The following MARCHF3 variants were observed in gnomAD, a reference collection of about 807,000 sequenced individuals.
MARCHF3 encodes the protein E3 ubiquitin-protein ligase MARCHF3.
In MARCHF3, 13 loss-of-function variants were observed where a neutral mutation model predicts 24.2. The observed-to-expected ratio is 0.54, with a 90% CI of 0.35 to 0.85. The LOEUF (loss-of-function observed/expected upper bound fraction) is 0.85. Ranked by LOEUF, MARCHF3 falls within the 40% of genes least tolerant of loss-of-function variation. The pLI is 0.01. For synonymous variants in MARCHF3, 144 were observed against 137.3 expected, an observed-to-expected ratio of 1.05 and a Z score of -0.34; for missense variants, 276 against 325.0, an observed-to-expected ratio of 0.85 and a Z score of 1.16.
At chr5:126,872,383 T>C (rs920252810) in intron 4 of MARCHF3, among the ~76,000 whole-genome samples, 6 of 152,118 alleles carry the variant, frequency 3.9e-5, no homozygotes, top group Non-Finnish European at 8.8e-5. Context: ...TTTATGTACA[T>C]ATATTGGAAT....
intron 1 of MARCHF3, among the ~76,000 whole-genome samples, chr5:126,998,084 C>T (rs759683339): frequency 1.1e-4 from 16 of 152,298 alleles, no homozygotes; most frequent in Admixed American, 2.0e-4. Flanking sequence ...TGTTCAATGG[C>T]AGGAAATAAT....
At chr5:126,920,450 A>AGAT (rs1580644296) in intron 1 of MARCHF3, among the ~76,000 whole-genome samples, 2 of 152,336 alleles carry the variant, frequency 1.3e-5, no homozygotes, top group East Asian at 3.9e-4. Context: ...AGGCAGCCAT[A>AGAT]GATTAAGAGC....
At chr5:126,883,326 C>T (rs373529048) in intron 3 of MARCHF3, among the ~76,000 whole-genome samples, 6 of 152,310 alleles carry the variant, frequency 3.9e-5, no homozygotes, top group African/African-American at 1.4e-4. Context: ...GGGCACCCTT[C>T]TGGCATCTTG....
intron 3 of MARCHF3, among the ~76,000 whole-genome samples, chr5:126,913,654 T>C (rs1157771298): frequency 4.6e-5 from 7 of 152,204 alleles, no homozygotes; most frequent in African/African-American, 9.7e-5. Flanking sequence ...TTTTGTGCCA[T>C]TTGGCAAGTA....
chr5:126,930,947 T>C (rs1048579759), intron 1 of MARCHF3, among the ~76,000 whole-genome samples: 2 of 152,200 alleles, frequency 1.3e-5, no homozygotes, highest in African/African-American at 4.8e-5. Flanking sequence ...AATGGGAAGA[T>C]AATATGCTGG....
chr5:126,963,675 A>G (rs1482740654), intron 1 of MARCHF3, among the ~76,000 whole-genome samples: 1 of 152,200 alleles, frequency 6.6e-6, no homozygotes, highest in Non-Finnish European at 1.5e-5. Context: ...TAATTGGTAA[A>G]TTAAGAAAAA....
intron 1 of MARCHF3, among the ~76,000 whole-genome samples, chr5:126,979,707 G>A (rs563225381): frequency 2.0e-4 from 31 of 152,288 alleles, no homozygotes; most frequent in African/African-American, 7.0e-4. Flanking sequence ...CCAGCACTCT[G>A]AGAGGCTGAG....
At chr5:126,998,214 T>G (rs972678253) in intron 1 of MARCHF3, among the ~76,000 whole-genome samples, 6 of 152,200 alleles carry the variant, frequency 3.9e-5, no homozygotes, top group African/African-American at 1.4e-4. Context: ...ACAAAGGCAG[T>G]GTCCAAGTGG....
At chr5:126,874,150 C>T (rs1226113154) in intron 4 of MARCHF3, among the ~76,000 whole-genome samples, 3 of 152,204 alleles carry the variant, frequency 2.0e-5, no homozygotes, top group Non-Finnish European at 4.4e-5. Flanking sequence ...CTAGTTTATT[C>T]ATCTAACTAA....
chr5:126,995,229 C>A (rs1040364004), intron 1 of MARCHF3, among the ~76,000 whole-genome samples: 1 of 152,188 alleles, frequency 6.6e-6, no homozygotes, highest in African/African-American at 2.4e-5. Context: ...AGATAGCACC[C>A]TGTTATTCTT....
chr5:126,962,252 A>G (rs1279864322), intron 1 of MARCHF3, among the ~76,000 whole-genome samples: 1 of 152,080 alleles, frequency 6.6e-6, no homozygotes, highest in Admixed American at 6.6e-5. Context: ...CTATATATAT[A>G]TATCTCTGCA....
intron 1 of MARCHF3, among the ~76,000 whole-genome samples, chr5:127,018,128 T>C (rs1031413153): frequency 1.3e-5 from 2 of 152,252 alleles, no homozygotes; most frequent in African/African-American, 4.8e-5. Flanking sequence ...CCCAGCACTT[T>C]GGGAGACCAA....
chr5:126,910,439 T>C (rs1754477397), intron 3 of MARCHF3, among the ~76,000 whole-genome samples: 2 of 152,242 alleles, frequency 1.3e-5, no homozygotes, highest in African/African-American at 4.8e-5. Context: ...TATTTTTATG[T>C]GTTACCTCTG....
chr5:127,000,947 A>C (rs1187562605), intron 1 of MARCHF3, among the ~76,000 whole-genome samples: 3 of 152,064 alleles, frequency 2.0e-5, no homozygotes, highest in African/African-American at 4.8e-5. Flanking sequence ...TGACCTTTTA[A>C]AAAATTCTAG....
chr5:126,954,416 A>G (rs891010507), intron 1 of MARCHF3, among the ~76,000 whole-genome samples: 1 of 150,056 alleles, frequency 6.7e-6, no homozygotes, highest in African/African-American at 2.5e-5. Flanking sequence ...TGTCTTTGAG[A>G]CTGGAGTGCA....
rs202058243 is a variant in MARCHF3 at position 126,935,601 on chromosome 5, CTT to C, written c.-56-17376_-56-17375del. On this transcript the variant is annotated intron_variant, in intron 1 of 4. Transcript: ENST00000308660. ...CTAAAAAGTACGAATGTATATATGG[CTT>C]TTTTTTTTTTTTTTTTTTTTTTTTG... 2.2e-3 allele frequency among the ~76,000 whole-genome samples: 152 copies of C among 70,594 alleles called. 1 individual carries two copies. The highest frequency in any genetic ancestry group is 7.7e-3 in the African/African-American group (142 of 18,558). The allele number at this position is 70,594 out of a possible 152,430, so 46.3% of individuals were successfully genotyped here.
intron 1 of MARCHF3, among the ~76,000 whole-genome samples, chr5:126,939,160 A>G (rs1413030278): frequency 6.6e-6 from 1 of 152,168 alleles, no homozygotes; most frequent in Non-Finnish European, 1.5e-5. Context: ...GCTAGGGTTG[A>G]TTATAACAGG....
rs75035050 is a variant in MARCHF3, at chr5:126,930,755, C to G, written c.-56-12528G>C. ...TAAGGGTGAAAACATTTAGGCAGTT[C>G]ATAGGTATTCCCCACAGAGGCATTT... On this transcript the variant is annotated intron_variant, in intron 1 of 4. Coordinates refer to ENST00000308660, the MANE Select transcript of MARCHF3 (RefSeq NM_178450.5). 7.7e-3 allele frequency among the ~76,000 whole-genome samples: 1,166 copies of G among 152,322 alleles called. 9 individuals are homozygous for G. Among genetic ancestry groups the G allele is most frequent in the African/African-American group, 0.027 (1,116 of 41,568 alleles).
rs960884516 is a variant in MARCHF3 at position 126,886,333 on chromosome 5, T to C, written c.394-7939A>G. Among the ~76,000 whole-genome samples the C allele has an allele frequency of 3.3e-5, 5 of 152,342 alleles. No individual in the cohort carries two copies. The East Asian group carries it at 7.7e-4, about 24-fold the overall frequency. ...CATAAAATCTTGATCCCAGTTTTTG[T>C]TCCCTCCTGCAACAGATAAAGTTGG... On this transcript the variant is annotated intron_variant, in intron 3 of 4. Coordinates refer to ENST00000308660, the MANE Select transcript of MARCHF3 (RefSeq NM_178450.5).
Sources: allele counts gnomAD v4.1 joint callset (sites outside exome capture counted in the v4.1 genomes callset), GRCh38; gene constraint gnomAD v4.1.1; transcripts MANE v1.5; gene names NCBI Gene and HGNC (gene_info 2026-07-23, HGNC 2026-07-21).